The following LSS variants were observed in gnomAD, a reference collection of about 807,000 sequenced individuals.
LSS encodes the protein 2,3-epoxysqualene-lanosterol cyclase.
In LSS, 90 loss-of-function variants were observed where a neutral mutation model predicts 110.3. The ratio of observed to expected loss-of-function variants is 0.82; its 90% CI spans 0.69 to 0.97. The LOEUF (loss-of-function observed/expected upper bound fraction) is 0.97, where lower values mean the gene tolerates loss of function less well. Ranked by LOEUF, LSS falls within the 50% of genes least tolerant of loss-of-function variation. The pLI is 0.00. For missense variants in LSS, 927 were observed against 990.0 expected, an observed-to-expected ratio of 0.94 and a Z score of 0.85; for synonymous variants, 433 against 400.0, an observed-to-expected ratio of 1.08 and a Z score of -0.98.
At chr21:46,205,229 G>T (rs949696679) in intron 17 of LSS, among the ~76,000 whole-genome samples, 1 of 152,222 alleles carries the variant, frequency 6.6e-6, no homozygotes, top group Admixed American at 6.5e-5. Flanking sequence ...CGGCATCTGT[G>T]TTCAACCGAA....
intron 6 of LSS, among the ~76,000 whole-genome samples, chr21:46,218,399 G>A (rs1041409057): frequency 8.5e-5 from 13 of 152,112 alleles, no homozygotes; most frequent in South Asian, 6.2e-4. Flanking sequence ...CAAGGCAGGC[G>A]GATCACCTGA....
intron 5 of LSS, among the ~76,000 whole-genome samples, chr21:46,221,295 C>T (rs939505770): frequency 1.3e-5 from 2 of 152,292 alleles, no homozygotes; most frequent in East Asian, 1.9e-4. Flanking sequence ...CATATTAACA[C>T]GGTTCGTTTA....
chr21:46,207,312 C>T, intron 15 of LSS, 116 bp downstream of exon 15: 6 of 1,292,344 alleles, frequency 4.6e-6, no homozygotes, highest in Non-Finnish European at 6.4e-6. Context: ...CAAGGACAAG[C>T]TCCTACGGCC....
At chr21:46,192,587 T>C (rs770907262) in intron 20 of LSS, 2 of 324,642 alleles carry the variant, frequency 6.2e-6, no homozygotes, top group East Asian at 1.2e-4. Flanking sequence ...TCTGTCTCCA[T>C]GTACGTATGT....
intron 21 of LSS, 25 bp downstream of exon 21, chr21:46,191,856 T>G (rs374046235): frequency 3.1e-6 from 5 of 1,603,366 alleles, no homozygotes; most frequent in Non-Finnish European, 4.3e-6. Flanking sequence ...CTGGGCCTTG[T>G]GCGCTCAGGT....
Position 46,194,566 on chromosome 21 carries a change from TC to T in LSS, c.1912del (p.Glu638SerfsTer19). ...CTGGGCACTCTGCAAATAACGCCGC[TC>T]CTCGCAGGACTCAAAGTCCTCCCCC... is the stretch of plus-strand genomic sequence containing the variant. ...GWGEDFESCE[E>X]RRYLQSAQSQ... is the part of the protein sequence containing the mutation. On this transcript the variant is annotated frameshift_variant, in exon 20 of 22. Coordinates refer to ENST00000397728, the MANE Select transcript of LSS (RefSeq NM_002340.6). LOFTEE classifies it high-confidence loss of function. 6.2e-7 allele frequency: 1 copy of T among 1,613,742 alleles called. No homozygotes were observed. Among genetic ancestry groups the T allele is most frequent in the Non-Finnish European group, 8.5e-7 (1 of 1,179,958 alleles).
chr21:46,210,060 GTTCT>G (rs2040880011), intron 12 of LSS, among the ~76,000 whole-genome samples: 1 of 127,272 alleles, frequency 7.9e-6, no homozygotes, highest in South Asian at 2.5e-4. Flanking sequence ...AACAGTTCCA[GTTCT>G]TTTTTTTTTT....
chr21:46,221,822 C>A, intron 5 of LSS, 32 bp downstream of exon 5: 2 of 1,613,204 alleles, frequency 1.2e-6, no homozygotes, highest in Non-Finnish European at 1.7e-6. Context: ...TGACACGAAC[C>A]CCTGGCCCAG....
intron 17 of LSS, among the ~76,000 whole-genome samples, chr21:46,204,960 A>C (rs1264705363): frequency 6.6e-6 from 1 of 152,232 alleles, no homozygotes; most frequent in African/African-American, 2.4e-5. Flanking sequence ...AGGACAGTGC[A>C]TTGTGACCAA....
chr21:46,216,379 G>A lies in LSS; in HGVS notation c.783+10C>T. 1 of 1,613,640 alleles carries A rather than the reference G, an allele frequency of 6.2e-7. No individual in the cohort carries two copies. The highest frequency in any genetic ancestry group is 1.1e-5 in the South Asian group (1 of 91,080). On this transcript the variant is annotated intron_variant, in intron 7 of 21. Transcript: ENST00000397728. This position sits in a 1 kb window ranked among gnomAD's most constrained non-coding sequence, Gnocchi z 4.2. ...AGAGGCCTTCACTTTGTTCCCTGAT[G>A]AGGTCCTACCTGGCGGAGGCTCTGG...
At chr21:46,206,649 C>T (rs369376761) in intron 16 of LSS, 23 bp downstream of exon 16, 113 of 1,601,036 alleles carry the variant, frequency 7.1e-5, no homozygotes, top group Admixed American at 6.5e-4. Context: ...GTTTGCGCGC[C>T]GCAGTGCTGG....
intron 20 of LSS, chr21:46,192,639 G>A (rs1192676516): frequency 1.2e-5 from 5 of 428,760 alleles, no homozygotes; most frequent in Non-Finnish European, 1.9e-5. Flanking sequence ...ATCTGCATAT[G>A]TGTGCACAGG....
At chr21:46,197,390 G>GA (rs2079923015) in intron 17 of LSS, among the ~76,000 whole-genome samples, 1 of 151,660 alleles carries the variant, frequency 6.6e-6, no homozygotes, top group South Asian at 2.1e-4. Flanking sequence ...ACTTTTCCCA[G>GA]AAAAAAAACT....
chr21:46,205,784 C>T, intron 17 of LSS, 52 bp downstream of exon 17: 2 of 1,435,886 alleles, frequency 1.4e-6, no homozygotes, highest in African/African-American at 1.4e-5. Flanking sequence ...GCGTCTGGGT[C>T]TTGGCCCCCG....
intron 3 of LSS, among the ~76,000 whole-genome samples, chr21:46,226,970 G>A (rs1417616578): frequency 6.6e-6 from 1 of 152,178 alleles, no homozygotes; most frequent in Non-Finnish European, 1.5e-5. Flanking sequence ...CAAGTCACTA[G>A]GGAAAAAAGT....
rs757145239 is a variant in LSS at position 46,191,118 on chromosome 21, C to G, written c.2185G>C (p.Ala729Pro). The stretch of plus-strand genomic sequence containing the variant: ...TAGGCATGTTCTCAGGGGTGGCCAG[C>G]AAGGGCTCTCTCAGGGTACAGCTGG... ...FSQLYPERAL[A>P]GHP The change falls in exon 22 of 22, where the codon GCT (alanine) becomes CCT (proline). Residue 729 changes from alanine to proline, a missense_variant. Physicochemically the swap from Ala to Pro is conservative, Grantham distance 27 (BLOSUM62 -1). Coordinates refer to ENST00000397728, the MANE Select transcript of LSS (RefSeq NM_002340.6). 1 of 1,614,146 alleles carries G rather than the reference C, an allele frequency of 6.2e-7. No individual in the cohort carries two copies. Among genetic ancestry groups the G allele is most frequent in the Non-Finnish European group, 8.5e-7 (1 of 1,180,024 alleles).
In LSS at chr21:46,189,293, A is replaced by G. The variant is rs548809051; in HGVS notation, c.*1811T>C. 1 of 252,810 alleles carries G rather than the reference A, an allele frequency of 4.0e-6. No individual in the cohort carries two copies. The highest frequency in any genetic ancestry group is 2.3e-5 in the African/African-American group (1 of 43,648). 15.7% of individuals were successfully genotyped at this position (252,810 alleles called of 1,614,324 possible). A position where few individuals can be genotyped will look rare whatever the true frequency, so the allele number is the denominator to read the frequency against. ...GGACAGCAGCCTCTGCTCAGGGCAG[A>G]CTCTGTGATTCACTGTCTGTCCTGC... On this transcript the variant is annotated 3_prime_UTR_variant, in exon 22 of 22. Transcript: ENST00000397728.
At chr21:46,199,273 G>A (rs1255397162) in intron 17 of LSS, among the ~76,000 whole-genome samples, 1 of 152,204 alleles carries the variant, frequency 6.6e-6, no homozygotes, top group East Asian at 1.9e-4. Flanking sequence ...TATATGACAA[G>A]ATTTTAACAT....
At chr21:46,202,872 G>T (rs1198544519) in intron 17 of LSS, among the ~76,000 whole-genome samples, 1 of 152,164 alleles carries the variant, frequency 6.6e-6, no homozygotes, top group Non-Finnish European at 1.5e-5. Flanking sequence ...GTGAGACCCT[G>T]CTTCAAACAA....
Sources: allele counts gnomAD v4.1 joint callset (sites outside exome capture counted in the v4.1 genomes callset), GRCh38; gene constraint gnomAD v4.1.1; non-coding constraint Gnocchi (gnomAD v3.1); transcripts MANE v1.5; gene names NCBI Gene and HGNC (gene_info 2026-07-23, HGNC 2026-07-21).